Variants in AK5 observed in about 807,000 individuals in gnomAD.
AK5 encodes the protein adenylate kinase isoenzyme 5.
In AK5, 27 loss-of-function variants were observed where a neutral mutation model predicts 69.5. That is an observed-to-expected ratio of 0.39 (90% CI 0.29 to 0.54). The LOEUF is 0.54. Among genes scored for constraint, AK5 ranks in the 20% least tolerant of loss-of-function variants. The pLI, the probability that AK5 is intolerant of heterozygous loss-of-function variation, is 0.71. For synonymous variants in AK5, 260 were observed against 244.4 expected (o/e 1.06, Z -0.60); for missense variants, 531 against 700.4 (o/e 0.76, Z 2.73).
intron 6 of AK5, among the ~76,000 whole-genome samples, chr1:77,354,162 G>A (rs1662368601): frequency 6.6e-6 from 1 of 152,162 alleles, no homozygotes; most frequent in South Asian, 2.1e-4. Context: ...AGCCAGGGAA[G>A]GAGTAGGGAA....
chr1:77,517,068 C>CA (rs111239926), intron 10 of AK5, among the ~76,000 whole-genome samples: 41,799 of 135,828 alleles, frequency 0.31, 6,267 homozygotes, highest in East Asian at 0.42. Flanking sequence ...AAGACCATCT[C>CA]AAAAAAAAAA....
In AK5 at chr1:77,330,271, G is replaced by A. The variant is rs987584405; in HGVS notation, c.700-10106G>A. 4.6e-5 allele frequency among the ~76,000 whole-genome samples: 7 copies of A among 152,126 alleles called. No individual in the cohort carries two copies. The East Asian group carries it at 1.4e-3, about 29-fold the overall frequency. On this transcript the variant is annotated intron_variant, in intron 5 of 13. Transcript: ENST00000354567. Reference sequence around the variant, plus strand: ...CTATTTTATCAAACTTTTCTTTTATGGTTAGAGTTTTCTAGGTTCTGTTTG... The same window carrying A: ...CTATTTTATCAAACTTTTCTTTTATAGTTAGAGTTTTCTAGGTTCTGTTTG...
At chr1:77,361,047 T>A (rs10493604) in intron 6 of AK5, among the ~76,000 whole-genome samples, 1 of 152,200 alleles carries the variant, frequency 6.6e-6, no homozygotes, top group East Asian at 1.9e-4. Context: ...CCCTTCTAGC[T>A]TGGCCTCCTA....
chr1:77,374,730 A>G (rs375944849), intron 6 of AK5, among the ~76,000 whole-genome samples: 57 of 151,914 alleles, frequency 3.8e-4, no homozygotes, highest in African/African-American at 1.3e-3. Flanking sequence ...CCAAGGCAGA[A>G]TGTTGCTTGA....
At chr1:77,367,555 T>TTA (rs61515572) in intron 6 of AK5, among the ~76,000 whole-genome samples, 2 of 59,298 alleles carry the variant, frequency 3.4e-5, no homozygotes, top group African/African-American at 1.8e-4. Flanking sequence ...TTTATGTTAT[T>TTA]TTTATATATA....
chr1:77,296,715 A>G (rs530162256), intron 3 of AK5, among the ~76,000 whole-genome samples: 2 of 152,332 alleles, frequency 1.3e-5, no homozygotes, highest in East Asian at 3.9e-4. Context: ...ATTTGCCCAT[A>G]TATTAGTAGG....
intron 5 of AK5, among the ~76,000 whole-genome samples, chr1:77,308,436 CAAAAAAAAA>C (rs751801437): frequency 5.3e-5 from 2 of 37,682 alleles, no homozygotes; most frequent in African/African-American, 1.4e-4. Flanking sequence ...GACTCTGTCT[CAAAAAAAAA>C]AAAAAAAAAA....
rs1181390105 is a variant in AK5, at chr1:77,531,815, G to C, written c.1429-4032G>C. On this transcript the variant is annotated intron_variant, in intron 12 of 13. Transcript: ENST00000354567. ...CGCCGTGGAGCAGGGGGCTGCGCTC[G>C]TCGGGGAGGCTGGTGCCGCGCAGGA... 4.0e-5 allele frequency among the ~76,000 whole-genome samples: 6 copies of C among 150,606 alleles called. No individual in the cohort carries two copies. In the East Asian group the frequency reaches 9.9e-4, roughly 25 times the overall value.
intron 9 of AK5, 31 bp from the exon 10 acceptor site, chr1:77,486,277 G>T (rs1457305860): frequency 1.4e-6 from 2 of 1,453,946 alleles, no homozygotes; most frequent in Non-Finnish European, 9.6e-7. Flanking sequence ...AGTTTTTCTT[G>T]CCAATAACTT....
intron 5 of AK5, among the ~76,000 whole-genome samples, chr1:77,334,565 C>A (rs1389814914): frequency 6.6e-6 from 1 of 152,130 alleles, no homozygotes. Flanking sequence ...CTAGAGCCTT[C>A]TAACCATGTC....
At chr1:77,540,039 C>G (rs1659184542) in intron 13 of AK5, among the ~76,000 whole-genome samples, 1 of 152,226 alleles carries the variant, frequency 6.6e-6, no homozygotes, top group African/African-American at 2.4e-5. Context: ...CAGGCCTCTA[C>G]CCAGCAATGC....
rs141161263 is a variant in AK5 at position 77,508,307 on chromosome 1, TC to T, written c.1148-10256del. Among the ~76,000 whole-genome samples, 521 of 152,254 alleles carry T rather than the reference TC, an allele frequency of 3.4e-3. 7 individuals carry two copies. The highest frequency in any genetic ancestry group is 0.012 in the African/African-American group (495 of 41,536). ...TCTGTACACTTTCCCTGGGGAATTTTCTAAAACTATAAGTTCCCAAGCCTCA... is the reference window on the plus strand; with the variant it reads ...TCTGTACACTTTCCCTGGGGAATTTTTAAAACTATAAGTTCCCAAGCCTCA... On this transcript the variant is annotated intron_variant, in intron 10 of 13. Coordinates refer to ENST00000354567, the MANE Select transcript of AK5 (RefSeq NM_174858.3).
Position 77,364,247 on chromosome 1 carries a change from A to T in AK5, c.891+23679A>T, listed in dbSNP as rs1400677548. On this transcript the variant is annotated intron_variant, in intron 6 of 13. Transcript: ENST00000354567. ...TATACTTTTTAAGTTTTATTTTTTA[A>T]TTGACATATAATAATTGTACATATT... Among the ~76,000 whole-genome samples the T allele has an allele frequency of 3.3e-5, 5 of 152,188 alleles. No homozygotes were observed. The South Asian group carries it at 6.2e-4, about 19-fold the overall frequency.
chr1:77,350,779 C>T (rs1662152409), intron 6 of AK5, among the ~76,000 whole-genome samples: 1 of 152,040 alleles, frequency 6.6e-6, no homozygotes, highest in Non-Finnish European at 1.5e-5. Context: ...GTGTTCATGG[C>T]AAGGCTGAAA....
At chr1:77,382,974 G>T (rs1203144623) in intron 6 of AK5, among the ~76,000 whole-genome samples, 1 of 152,034 alleles carries the variant, frequency 6.6e-6, no homozygotes, top group Non-Finnish European at 1.5e-5. Flanking sequence ...GAAATACAAA[G>T]AGAACAAATG....
At chr1:77,451,635 A>G (rs572003994) in intron 8 of AK5, among the ~76,000 whole-genome samples, 1 of 152,362 alleles carries the variant, frequency 6.6e-6, no homozygotes, top group Admixed American at 6.5e-5. Flanking sequence ...TTGGGTACAT[A>G]GGAGCTGCTT....
intron 10 of AK5, among the ~76,000 whole-genome samples, chr1:77,498,867 T>C (rs1023045685): frequency 2.0e-5 from 3 of 152,246 alleles, no homozygotes; most frequent in African/African-American, 7.2e-5. Context: ...TCAACATTTC[T>C]TGTTAAAATT....
Position 77,558,792 on chromosome 1 carries a change from C to G in AK5, c.*122C>G. Reference sequence around the variant, plus strand: ...CCCCACCAACCACCACCTCCTAAATCCTGACAGCACTGTTTGCTTCCCAGC... The same window carrying G: ...CCCCACCAACCACCACCTCCTAAATGCTGACAGCACTGTTTGCTTCCCAGC... On this transcript the variant is annotated 3_prime_UTR_variant, in exon 14 of 14. Transcript: ENST00000354567. 1.5e-6 allele frequency: 1 copy of G among 688,570 alleles called. No individual in the cohort carries two copies. Among genetic ancestry groups the G allele is most frequent in the Non-Finnish European group, 2.6e-6 (1 of 382,716 alleles). 42.7% of individuals were successfully genotyped at this position (688,570 alleles called of 1,614,324 possible). A position where few individuals can be genotyped will look rare whatever the true frequency, so the allele number is the denominator to read the frequency against.
chr1:77,550,741 A>G (rs781733384), intron 13 of AK5, among the ~76,000 whole-genome samples: 10 of 152,230 alleles, frequency 6.6e-5, no homozygotes, highest in Non-Finnish European at 1.3e-4. Flanking sequence ...TACTCTCCAC[A>G]TGGGAATTAG....
Sources: allele counts gnomAD v4.1 joint callset (sites outside exome capture counted in the v4.1 genomes callset), GRCh38; gene constraint gnomAD v4.1.1; transcripts MANE v1.5; gene names NCBI Gene and HGNC (gene_info 2026-07-23, HGNC 2026-07-21).